The following TRAF5 variants were observed in gnomAD, a reference collection of about 807,000 sequenced individuals.
The protein encoded by TRAF5 is TNF receptor-associated factor 5.
In TRAF5, 48 loss-of-function variants were observed where a neutral mutation model predicts 64.5. The observed-to-expected ratio is 0.74, with a 90% CI of 0.59 to 0.95. The LOEUF (loss-of-function observed/expected upper bound fraction) is 0.95, where lower values mean the gene tolerates loss of function less well. Ranked by LOEUF, TRAF5 falls within the 40% of genes least tolerant of loss-of-function variation. The probability of loss-of-function intolerance (pLI) is 0.00; values close to 1 mark genes in which losing one functional copy is unlikely to be tolerated. For synonymous variants in TRAF5, 206 were observed against 240.5 expected (o/e 0.86, Z 1.33); for missense variants, 545 against 662.8 (o/e 0.82, Z 1.95).
chr1:211,373,311 G>A lies in TRAF5; in HGVS notation c.*609G>A, dbSNP rs1386715576. On this transcript the variant is annotated 3_prime_UTR_variant, in exon 11 of 11. Coordinates refer to ENST00000261464, the MANE Select transcript of TRAF5 (RefSeq NM_001033910.3). The stretch of plus-strand genomic sequence containing the variant: ...AGTTTTGCAAGGCTGCATAAGAACT[G>A]GTGAATGGGGTAAGCATTTTCATTC... 2.0e-5 allele frequency: 3 copies of A among 152,244 alleles called. No homozygotes were observed. The highest frequency in any genetic ancestry group is 2.0e-4 in the Admixed American group (3 of 15,278). The allele number at this position is 152,244 out of a possible 1,614,324, so 9.4% of individuals were successfully genotyped here.
At chr1:211,331,822 C>A (rs959677065) in intron 1 of TRAF5, among the ~76,000 whole-genome samples, 1 of 152,156 alleles carries the variant, frequency 6.6e-6, no homozygotes, top group Non-Finnish European at 1.5e-5. Context: ...TCCGCCACCA[C>A]GGCCGGCTAA....
intron 1 of TRAF5, among the ~76,000 whole-genome samples, chr1:211,328,680 T>A (rs1257779853): frequency 6.6e-6 from 1 of 152,164 alleles, no homozygotes; most frequent in Non-Finnish European, 1.5e-5. Flanking sequence ...AGGCTTGCAG[T>A]GGGAAAGGCA....
chr1:211,350,561 A>G (rs1342560639), intron 1 of TRAF5, among the ~76,000 whole-genome samples: 3 of 152,192 alleles, frequency 2.0e-5, no homozygotes, highest in African/African-American at 7.2e-5. Context: ...ATGAAGGGAG[A>G]TAACCTAACA....
intron 8 of TRAF5, among the ~76,000 whole-genome samples, chr1:211,366,172 ACCAT>A (rs1325415826): frequency 6.6e-6 from 1 of 152,198 alleles, no homozygotes; most frequent in Admixed American, 6.5e-5. Context: ...AGGGAAGAAA[ACCAT>A]CCATTTTCAG....
At chr1:211,344,497 G>A (rs933024584) in intron 1 of TRAF5, among the ~76,000 whole-genome samples, 2 of 152,168 alleles carry the variant, frequency 1.3e-5, no homozygotes, top group Non-Finnish European at 2.9e-5. Context: ...TCTGGTTGTC[G>A]TGGTGTCACC....
chr1:211,334,355 G>T (rs1702236075), intron 1 of TRAF5, among the ~76,000 whole-genome samples: 1 of 152,202 alleles, frequency 6.6e-6, no homozygotes, highest in African/African-American at 2.4e-5. Flanking sequence ...AAGAAAAACA[G>T]GTGTTCCACA....
intron 1 of TRAF5, among the ~76,000 whole-genome samples, chr1:211,349,751 A>C (rs546781471): frequency 6.6e-6 from 1 of 152,244 alleles, no homozygotes; most frequent in Non-Finnish European, 1.5e-5. Context: ...GGGAACCTGA[A>C]CTGAGTTTTG....
chr1:211,336,813 C>A (rs1210855141), intron 1 of TRAF5, among the ~76,000 whole-genome samples: 1 of 152,224 alleles, frequency 6.6e-6, no homozygotes, highest in Non-Finnish European at 1.5e-5. Flanking sequence ...GCGTATGCCA[C>A]CATGCCCAGC....
At position 211,362,692 on chromosome 1, in the gene TRAF5, A is replaced by G. The variant is rs185619908; in HGVS notation, c.696+1530A>G. Among the ~76,000 whole-genome samples the G allele has an allele frequency of 1.9e-3, 284 of 152,264 alleles. 3 individuals are homozygous for G. Among genetic ancestry groups the G allele is most frequent in the Non-Finnish European group, 2.5e-3 (171 of 68,022 alleles). ...GAGACTGTCTCAAAATAAACAAACG[A>G]AAAAACCCCCCCAACAACAACAAAA... On this transcript the variant is annotated intron_variant, in intron 7 of 10. Transcript: ENST00000261464.
At position 211,374,161 on chromosome 1, in the gene TRAF5, A is replaced by G. The variant is rs1227392519; in HGVS notation, c.*1459A>G. ...ATCATATTCTTATGCATCTATCTGT[A>G]TGGGTCTGAAGGTGTATATACAAAC... On this transcript the variant is annotated 3_prime_UTR_variant, in exon 11 of 11. Transcript: ENST00000261464. 1 of 152,254 alleles carries G rather than the reference A, an allele frequency of 6.6e-6. No individual in the cohort carries two copies. Among genetic ancestry groups the G allele is most frequent in the Non-Finnish European group, 1.5e-5 (1 of 68,044 alleles). The allele number at this position is 152,254 out of a possible 1,614,324, so 9.4% of individuals were successfully genotyped here. A position where few individuals can be genotyped will look rare whatever the true frequency, so the allele number is the denominator to read the frequency against.
At chr1:211,326,654 T>C, upstream of TRAF5, 1 of 982,804 alleles carries the variant, frequency 1.0e-6, no homozygotes, top group Non-Finnish European at 1.2e-6. The surrounding 1 kb of genome is among the most constrained non-coding windows in gnomAD (Gnocchi z 5.0). Flanking sequence ...GACTTGTAGA[T>C]ACTAACGGTT....
At chr1:211,367,603 G>T (rs929558938) in intron 8 of TRAF5, among the ~76,000 whole-genome samples, 1 of 152,204 alleles carries the variant, frequency 6.6e-6, no homozygotes, top group Non-Finnish European at 1.5e-5. Flanking sequence ...TTCTGAGGTT[G>T]TAAATGACAT....
intron 7 of TRAF5, among the ~76,000 whole-genome samples, chr1:211,362,799 T>A (rs1703227813): frequency 6.6e-6 from 1 of 151,972 alleles, no homozygotes; most frequent in South Asian, 2.1e-4. Context: ...TGTATGATTT[T>A]AAAAAATACC....
At chr1:211,336,919 A>G (rs1167608095) in intron 1 of TRAF5, among the ~76,000 whole-genome samples, 1 of 152,164 alleles carries the variant, frequency 6.6e-6, no homozygotes, top group Non-Finnish European at 1.5e-5. Flanking sequence ...TCGGCCTTCC[A>G]AAGTGCCGGG....
At chr1:211,327,840 T>C (rs963105843) in intron 1 of TRAF5, among the ~76,000 whole-genome samples, 1 of 152,250 alleles carries the variant, frequency 6.6e-6, no homozygotes, top group African/African-American at 2.4e-5. Context: ...GGGCTGCCCC[T>C]GCAGCCCCCA....
At chr1:211,336,926 C>T (rs532543735) in intron 1 of TRAF5, among the ~76,000 whole-genome samples, 2 of 152,238 alleles carry the variant, frequency 1.3e-5, no homozygotes, top group East Asian at 1.9e-4. Context: ...TCCAAAGTGC[C>T]GGGATTAAAG....
At chr1:211,344,539 G>T (rs1200343571) in intron 1 of TRAF5, among the ~76,000 whole-genome samples, 3 of 152,188 alleles carry the variant, frequency 2.0e-5, no homozygotes, top group Admixed American at 6.5e-5. Flanking sequence ...GCCACATTAG[G>T]TGTAATGGAA....
intron 1 of TRAF5, among the ~76,000 whole-genome samples, chr1:211,350,511 A>G (rs1434387273): frequency 2.0e-5 from 3 of 152,214 alleles, no homozygotes; most frequent in Non-Finnish European, 2.9e-5. Flanking sequence ...CCTGCTTAGC[A>G]TTGTGGACTT....
chr1:211,352,718 A>C (rs894198315), intron 1 of TRAF5, among the ~76,000 whole-genome samples: 2 of 152,198 alleles, frequency 1.3e-5, no homozygotes, highest in African/African-American at 4.8e-5. Context: ...TTTATTTCTC[A>C]TAGTTCTGGA....
Sources: gnomAD v4.1 joint callset for allele counts (sites outside exome capture counted in the v4.1 genomes callset) on GRCh38, gnomAD v4.1.1 for gene constraint, Gnocchi (gnomAD v3.1) non-coding constraint, MANE v1.5 for transcripts, NCBI Gene and HGNC (gene_info 2026-07-23, HGNC 2026-07-21) for gene names.